MYO3B: variants seen among roughly 807,000 people sequenced by gnomAD.
MYO3B encodes the protein myosin IIIB, also known as myosin-IIIb.
In MYO3B, 156 loss-of-function variants were observed where a neutral mutation model predicts 174.6. That is an observed-to-expected ratio of 0.89 (90% confidence interval 0.78 to 1.02). The LOEUF (loss-of-function observed/expected upper bound fraction) is 1.02, where lower values mean the gene tolerates loss of function less well. Among genes scored for constraint, MYO3B ranks in the 50% least tolerant of loss-of-function variants. MYO3B has a pLI of 0.00. For missense variants in MYO3B, 1,632 were observed against 1,639.4 expected (o/e 1.00, Z 0.08); for synonymous variants, 563 against 569.1 (o/e 0.99, Z 0.15).
intron 32 of MYO3B, among the ~76,000 whole-genome samples, chr2:170,585,287 G>C (rs1693432029): frequency 6.6e-6 from 1 of 152,130 alleles, no homozygotes; most frequent in South Asian, 2.1e-4. Flanking sequence ...GAGTAATGTA[G>C]TACTCATAGT....
chr2:170,622,013 A>T (rs1267728762), intron 32 of MYO3B, among the ~76,000 whole-genome samples: 1 of 152,164 alleles, frequency 6.6e-6, no homozygotes, highest in Non-Finnish European at 1.5e-5. Context: ...GCAACTTGGC[A>T]GTTGTTCTCA....
chr2:170,361,553 AC>A (rs2094161219), intron 8 of MYO3B, among the ~76,000 whole-genome samples: 1 of 152,240 alleles, frequency 6.6e-6, no homozygotes, highest in South Asian at 2.1e-4. Context: ...ATGCCGTAGG[AC>A]AGTTTGAAAG....
At chr2:170,212,010 G>A (rs912934445) in intron 3 of MYO3B, among the ~76,000 whole-genome samples, 6 of 151,442 alleles carry the variant, frequency 4.0e-5, no homozygotes, top group South Asian at 2.1e-4. Flanking sequence ...TTGGGAGGCC[G>A]AGGCTGGCAG....
At chr2:170,386,740 A>C (rs17607321) in intron 13 of MYO3B, among the ~76,000 whole-genome samples, 12,949 of 152,292 alleles carry the variant, frequency 0.085, 1,152 homozygotes, top group East Asian at 0.49. Context: ...CTAGGTGACT[A>C]AGAAAGAATG....
Position 170,194,056 on chromosome 2 carries a change from C to T in MYO3B, c.3-5152C>T, listed in dbSNP as rs181310058. The stretch of plus-strand genomic sequence containing the variant: ...TATCAGACTTTTTACTAGGGCTTCA[C>T]ATTTATCTCTTGGTTAGCTGGATTT... On this transcript the variant is annotated intron_variant, in intron 1 of 34. Coordinates refer to ENST00000408978, the MANE Select transcript of MYO3B (RefSeq NM_138995.5). 2.0e-3 allele frequency among the ~76,000 whole-genome samples: 300 copies of T among 152,132 alleles called. 2 individuals are homozygous for T. The highest frequency in any genetic ancestry group is 3.3e-3 in the Admixed American group (50 of 15,278).
At chr2:170,624,422 T>C (rs889402279) in intron 32 of MYO3B, among the ~76,000 whole-genome samples, 1 of 152,222 alleles carries the variant, frequency 6.6e-6, no homozygotes, top group Non-Finnish European at 1.5e-5. Flanking sequence ...TTTTGTATCC[T>C]GAGACTTTGC....
intron 30 of MYO3B, among the ~76,000 whole-genome samples, chr2:170,523,167 G>A (rs900241748): frequency 1.3e-5 from 2 of 152,268 alleles, no homozygotes; most frequent in East Asian, 3.9e-4. Flanking sequence ...CAACAGTGAG[G>A]ACTGAGTCTT....
chr2:170,340,580 C>T (rs747478542), intron 8 of MYO3B: 10 of 152,122 alleles, frequency 6.6e-5, no homozygotes, highest in African/African-American at 1.4e-4. Context: ...ACTCAAAAAC[C>T]GAGTGAAAAC....
intron 32 of MYO3B, among the ~76,000 whole-genome samples, chr2:170,562,822 G>A (rs556402908): frequency 1.3e-5 from 2 of 152,262 alleles, no homozygotes; most frequent in South Asian, 4.2e-4. Context: ...CTGTAGCCAT[G>A]AAGTGGTGCT....
intron 32 of MYO3B, among the ~76,000 whole-genome samples, chr2:170,651,091 T>C (rs1161644936): frequency 6.6e-6 from 1 of 152,186 alleles, no homozygotes; most frequent in Non-Finnish European, 1.5e-5. Flanking sequence ...TCTTTTACAC[T>C]ACCTCCAAAG....
At chr2:170,481,956 G>T (rs182536236) in intron 25 of MYO3B, among the ~76,000 whole-genome samples, 18 of 152,156 alleles carry the variant, frequency 1.2e-4, no homozygotes, top group Middle Eastern at 3.4e-3. Flanking sequence ...CTTACATTAC[G>T]AATGTTATAA....
rs532373840 is a variant in MYO3B at position 170,626,373 on chromosome 2, C to T, written c.3734-25255C>T. On this transcript the variant is annotated intron_variant, in intron 32 of 34. Transcript: ENST00000408978. ...TCTGTTTTATCAGAGACTAGGATTG[C>T]AACCCCTGCCTTTTGTTTTCCATTT... is the stretch of plus-strand genomic sequence containing the variant. Among the ~76,000 whole-genome samples, 7 of 152,300 alleles carry T rather than the reference C, an allele frequency of 4.6e-5. No individual in the cohort carries two copies. In the East Asian group the frequency reaches 9.6e-4, roughly 21 times the overall value.
chr2:170,309,719 CT>C (rs35167646), intron 7 of MYO3B, among the ~76,000 whole-genome samples: 41,048 of 149,960 alleles, frequency 0.27, 7,160 homozygotes, highest in African/African-American at 0.49. Flanking sequence ...CTGTAGACAT[CT>C]TTTTTTTTTA....
intron 22 of MYO3B, among the ~76,000 whole-genome samples, chr2:170,441,462 A>G (rs2094800300): frequency 6.6e-6 from 1 of 152,238 alleles, no homozygotes; most frequent in Admixed American, 6.5e-5. Flanking sequence ...TGCACAAGAA[A>G]TAATTTGGGA....
intron 32 of MYO3B, among the ~76,000 whole-genome samples, chr2:170,625,803 C>A (rs1170782718): frequency 2.0e-5 from 3 of 152,180 alleles, no homozygotes; most frequent in Non-Finnish European, 2.9e-5. Flanking sequence ...GCCTTCATTT[C>A]GTTATGTACC....
chr2:170,394,702 CA>C (rs2094434284), intron 16 of MYO3B, among the ~76,000 whole-genome samples: 1 of 152,212 alleles, frequency 6.6e-6, no homozygotes, highest in African/African-American at 2.4e-5. Flanking sequence ...ATATAAGCTG[CA>C]ACCTTAGAAA....
At chr2:170,291,515 G>C (rs1166802259) in intron 7 of MYO3B, among the ~76,000 whole-genome samples, 1 of 152,172 alleles carries the variant, frequency 6.6e-6, no homozygotes, top group Admixed American at 6.5e-5. Context: ...ACTTTTACCA[G>C]TGGTTTTTAT....
At chr2:170,353,602 G>A (rs2094095498) in intron 8 of MYO3B, among the ~76,000 whole-genome samples, 1 of 152,252 alleles carries the variant, frequency 6.6e-6, no homozygotes, top group East Asian at 1.9e-4. Context: ...TTCCTCAATT[G>A]TAACAAATGT....
chr2:170,499,728 A>G lies in MYO3B; in HGVS notation c.3209A>G (p.Tyr1070Cys), dbSNP rs1358147329. Residue 1070 changes from tyrosine to cysteine, a missense_variant, in exon 27 of 35, where the codon TAT becomes TGT. Tyr to Cys is a radical substitution (Grantham distance 194, BLOSUM62 -2). Transcript: ENST00000408978. ...GGCAGAGTGGTTGTGCTGCAGGCAT[A>G]TACCAAGGGGTGGCTTGGAGCCAGG... ...VIGRVVVLQA[Y>C]TKGWLGARRY... 6.2e-7 allele frequency: 1 copy of G among 1,614,024 alleles called. No homozygotes were observed. Among genetic ancestry groups the G allele is most frequent in the Non-Finnish European group, 8.5e-7 (1 of 1,179,996 alleles).
Sources: allele counts gnomAD v4.1 joint callset (sites outside exome capture counted in the v4.1 genomes callset), GRCh38; gene constraint gnomAD v4.1.1; transcripts MANE v1.5; gene names NCBI Gene and HGNC (gene_info 2026-07-23, HGNC 2026-07-21).